Variants in SORBS2 observed in about 807,000 individuals in gnomAD.
SORBS2 encodes sorbin and SH3 domain-containing protein 2.
SORBS2 carries 46 observed loss-of-function variants against 97.7 expected under a neutral mutation model. The observed-to-expected ratio is 0.47, with a 90% CI of 0.37 to 0.60. The LOEUF (loss-of-function observed/expected upper bound fraction) is 0.60. SORBS2 is among the 20% of genes least tolerant of loss of function. The pLI, the probability that SORBS2 is intolerant of heterozygous loss-of-function variation, is 0.00. For missense variants in SORBS2, 1,316 were observed against 1,282.3 expected (o/e 1.03, Z -0.40); for synonymous variants, 476 against 473.4 (o/e 1.01, Z -0.07).
At chr4:185,598,403 A>AATC (rs1461895651) in intron 12 of SORBS2, among the ~76,000 whole-genome samples, 20 of 152,358 alleles carry the variant, frequency 1.3e-4, no homozygotes, top group Admixed American at 5.2e-4. Flanking sequence ...AGCCAGAACC[A>AATC]ATCACAAGTT....
chr4:185,890,097 G>C (rs2099241693), intron 1 of SORBS2, among the ~76,000 whole-genome samples: 2 of 152,284 alleles, frequency 1.3e-5, no homozygotes, highest in African/African-American at 4.8e-5. Context: ...ATGTTGGCCA[G>C]GCTGGTCTTG....
chr4:185,761,146 G>A (rs1433535442), intron 2 of SORBS2, among the ~76,000 whole-genome samples: 1 of 152,122 alleles, frequency 6.6e-6, no homozygotes, highest in Non-Finnish European at 1.5e-5. Context: ...ATGCCCCAAA[G>A]CAAACACCTG....
At chr4:185,639,914 C>T (rs1343088072) in intron 4 of SORBS2, among the ~76,000 whole-genome samples, 2 of 152,126 alleles carry the variant, frequency 1.3e-5, no homozygotes, top group African/African-American at 4.8e-5. Flanking sequence ...ATGTAACCTT[C>T]GCAGTGCTGG....
intron 1 of SORBS2, among the ~76,000 whole-genome samples, chr4:185,947,913 C>T (rs1165832627): frequency 6.8e-6 from 1 of 148,006 alleles, no homozygotes; most frequent in Non-Finnish European, 1.5e-5. Context: ...GCCCCGCCCT[C>T]TTGAGATTTT....
intron 1 of SORBS2, among the ~76,000 whole-genome samples, chr4:185,778,685 T>C (rs2099012501): frequency 1.3e-5 from 2 of 152,140 alleles, no homozygotes; most frequent in South Asian, 4.2e-4. Flanking sequence ...GAACAGCTGA[T>C]TCCAGATTAA....
At chr4:185,624,412 A>G in exon 7 of SORBS2, 1 of 1,614,136 alleles carries the variant, frequency 6.2e-7, no homozygotes. Context: ...TGTAAGTGCT[A>G]CAGTAATCTA....
intron 1 of SORBS2, among the ~76,000 whole-genome samples, chr4:185,788,154 T>C (rs980085794): frequency 1.3e-5 from 2 of 152,204 alleles, no homozygotes; most frequent in Non-Finnish European, 2.9e-5. Context: ...GTCGGAGACT[T>C]GCTACTCAAA....
intron 2 of SORBS2, among the ~76,000 whole-genome samples, chr4:185,736,623 T>C (rs2098689483): frequency 6.6e-6 from 1 of 152,240 alleles, no homozygotes; most frequent in Non-Finnish European, 1.5e-5. Flanking sequence ...AGGTATGTAC[T>C]GTGGGTGACA....
intron 1 of SORBS2, among the ~76,000 whole-genome samples, chr4:185,920,475 C>A (rs1200830870): frequency 1.3e-5 from 2 of 152,166 alleles, no homozygotes; most frequent in Non-Finnish European, 2.9e-5. Flanking sequence ...ACAGATCCTG[C>A]TTCATCTTGC....
intron 2 of SORBS2, among the ~76,000 whole-genome samples, chr4:185,764,539 A>G (rs532250230): frequency 5.5e-4 from 83 of 152,190 alleles, no homozygotes; most frequent in Non-Finnish European, 5.1e-4. Context: ...GCCCTAGACC[A>G]AAAATATGGA....
At chr4:185,722,171 T>C (rs912625010) in intron 2 of SORBS2, among the ~76,000 whole-genome samples, 2 of 152,202 alleles carry the variant, frequency 1.3e-5, no homozygotes, top group South Asian at 2.1e-4. Flanking sequence ...GACAGGATGA[T>C]GAAACGGCTA....
At chr4:185,782,346 T>C (rs1250050043) in intron 1 of SORBS2, among the ~76,000 whole-genome samples, 1 of 152,260 alleles carries the variant, frequency 6.6e-6, no homozygotes, top group Non-Finnish European at 1.5e-5. Context: ...TGTTCTGTTA[T>C]CTTAATTTGC....
chr4:185,701,921 C>G (rs1013518063), intron 2 of SORBS2, among the ~76,000 whole-genome samples: 2 of 152,086 alleles, frequency 1.3e-5, no homozygotes, highest in Non-Finnish European at 2.9e-5. Flanking sequence ...CAGGCACGTG[C>G]CAGCACGCCC....
At chr4:185,752,671 T>C (rs2098808414) in intron 2 of SORBS2, among the ~76,000 whole-genome samples, 1 of 152,232 alleles carries the variant, frequency 6.6e-6, no homozygotes, top group Non-Finnish European at 1.5e-5. Context: ...TGGAAAGCAA[T>C]GACATGCTAA....
At chr4:185,952,543 T>C (rs946537711) in intron 1 of SORBS2, among the ~76,000 whole-genome samples, 6 of 152,196 alleles carry the variant, frequency 3.9e-5, no homozygotes, top group African/African-American at 1.4e-4. Flanking sequence ...TGGGAGTATA[T>C]GGGATTCATT....
intron 2 of SORBS2, among the ~76,000 whole-genome samples, chr4:185,679,725 C>T (rs1331390073): frequency 1.3e-5 from 2 of 152,170 alleles, no homozygotes; most frequent in Admixed American, 1.3e-4. Flanking sequence ...TGGATTCCTT[C>T]TACGTGTTCC....
intron 1 of SORBS2, chr4:185,812,103 T>A (rs368266741): frequency 6.6e-6 from 1 of 152,274 alleles, no homozygotes; most frequent in African/African-American, 2.4e-5. Context: ...TGCGTGGCTG[T>A]GATCATTGTA....
At chr4:185,795,877 C>T (rs1383451581) in intron 1 of SORBS2, among the ~76,000 whole-genome samples, 1 of 152,134 alleles carries the variant, frequency 6.6e-6, no homozygotes, top group East Asian at 1.9e-4. Context: ...GTCTTGTTTT[C>T]CCAAGACAGA....
chr4:185,859,057 C>T (rs2099222240), intron 1 of SORBS2, among the ~76,000 whole-genome samples: 1 of 151,840 alleles, frequency 6.6e-6, no homozygotes, highest in Admixed American at 6.6e-5. Context: ...TAGTCGAAAA[C>T]AAGCATGAGA....
Sources: gnomAD v4.1 joint callset for allele counts (sites outside exome capture counted in the v4.1 genomes callset) on GRCh38, gnomAD v4.1.1 for gene constraint, MANE v1.5 for transcripts, NCBI Gene and HGNC (gene_info 2026-07-23, HGNC 2026-07-21) for gene names.